The following CDKL2 variants were observed in gnomAD, a reference collection of about 807,000 sequenced individuals.
CDKL2 encodes cyclin dependent kinase like 2, also known as cyclin-dependent kinase-like 2.
A neutral mutation model predicts 63.9 loss-of-function variants in CDKL2; 64 were observed. The observed-to-expected ratio is 1.00, with a 90% CI of 0.82 to 1.23. The LOEUF (loss-of-function observed/expected upper bound fraction) is 1.23. CDKL2 is among the 50% of genes most tolerant of loss of function. The pLI, the probability that CDKL2 is intolerant of heterozygous loss-of-function variation, is 0.00. For missense variants in CDKL2, 656 were observed against 668.0 expected (o/e 0.98, Z 0.20); for synonymous variants, 211 against 229.2 (o/e 0.92, Z 0.72).
intron 12 of CDKL2, among the ~76,000 whole-genome samples, chr4:75,590,893 G>A (rs1027713144): frequency 1.3e-5 from 2 of 152,164 alleles, no homozygotes; most frequent in Admixed American, 1.3e-4. Context: ...AGCAGTAAAA[G>A]GAAAGTACAA....
chr4:75,621,816 CA>C (rs528152510), intron 2 of CDKL2, among the ~76,000 whole-genome samples: 1 of 152,008 alleles, frequency 6.6e-6, no homozygotes, highest in Non-Finnish European at 1.5e-5. Flanking sequence ...GTGCTTTAAG[CA>C]TAAGGAAATT....
chr4:75,611,737 C>G (rs1578343050), intron 3 of CDKL2, among the ~76,000 whole-genome samples: 1 of 151,270 alleles, frequency 6.6e-6, no homozygotes, highest in South Asian at 2.1e-4. Context: ...TTACCGCAAC[C>G]TCTGCCTCCC....
At chr4:75,596,037 GAAGGAAGGAGT>G in intron 10 of CDKL2, 199 bp downstream of exon 10, 1 of 247,532 alleles carries the variant, frequency 4.0e-6, no homozygotes, top group South Asian at 1.6e-4. Context: ...AGGAAGAAAG[GAAGGAAGGAGT>G]TTTTAGACTC....
chr4:75,602,438 A>C (rs1426372749), intron 6 of CDKL2, among the ~76,000 whole-genome samples: 4 of 151,946 alleles, frequency 2.6e-5, no homozygotes, highest in Non-Finnish European at 5.9e-5. Flanking sequence ...TCGGCCGCCC[A>C]AACTGCTGGG....
chr4:75,606,499 C>A (rs1018057613), intron 4 of CDKL2, among the ~76,000 whole-genome samples: 4 of 152,154 alleles, frequency 2.6e-5, no homozygotes, highest in African/African-American at 9.7e-5. Context: ...AGGCATGAGC[C>A]GCTGCACCCA....
At chr4:75,621,957 A>T (rs1039593152) in intron 2 of CDKL2, among the ~76,000 whole-genome samples, 2 of 152,182 alleles carry the variant, frequency 1.3e-5, no homozygotes, top group Admixed American at 1.3e-4. Flanking sequence ...AGAATTTAAC[A>T]ATGTTACATA....
At chr4:75,628,264 T>G (rs960088759) in intron 1 of CDKL2, among the ~76,000 whole-genome samples, 1 of 151,598 alleles carries the variant, frequency 6.6e-6, no homozygotes, top group African/African-American at 2.4e-5. Context: ...TACAGGCGCC[T>G]GCCACCACGC....
At chr4:75,601,819 T>C (rs553510698) in intron 6 of CDKL2, among the ~76,000 whole-genome samples, 3 of 152,326 alleles carry the variant, frequency 2.0e-5, no homozygotes, top group African/African-American at 4.8e-5. Flanking sequence ...TGTATTATTC[T>C]AAGAACTTGT....
chr4:75,607,235 T>A lies in CDKL2; in HGVS notation c.490A>T (p.Thr164Ser). 1 of 1,614,072 alleles carries A rather than the reference T, an allele frequency of 6.2e-7. No individual in the cohort carries two copies. Among genetic ancestry groups the A allele is most frequent in the Non-Finnish European group, 8.5e-7 (1 of 1,179,956 alleles). Residue 164 changes from threonine (T) to serine (S), a missense_variant, in exon 4 of 14, where the codon ACC becomes TCC. Physicochemically the swap from Thr to Ser is moderately conservative, Grantham distance 58 (BLOSUM62 1). Coordinates refer to ENST00000307465, the MANE Select transcript of CDKL2 (RefSeq NM_001330724.2). ...PGEVYTDYVA[T>S]RWYRAPELLV... ...AGTTCTGGAGCTCTGTACCATCGGG[T>A]TGCCACATAATCAGTATAAACCTCC...
chr4:75,607,970 G>T lies in CDKL2; in HGVS notation c.364-609C>A, dbSNP rs570631017. Among the ~76,000 whole-genome samples, 5 of 151,732 alleles carry T rather than the reference G, an allele frequency of 3.3e-5. No individual in the cohort carries two copies. The South Asian group carries it at 1.0e-3, about 31-fold the overall frequency. On this transcript the variant is annotated intron_variant, in intron 3 of 13. Coordinates refer to ENST00000307465, the MANE Select transcript of CDKL2 (RefSeq NM_001330724.2). ...TGGGACTACTGGCGCCTGCCACCAC[G>T]CCCGGCTAATTTTTTGTATTTTTAG...
At position 75,626,004 on chromosome 4, in the gene CDKL2, G is replaced by A. The variant is rs764379594; in HGVS notation, c.-16C>T. The A allele has an allele frequency of 2.1e-5, 34 of 1,601,044 alleles. No individual in the cohort carries two copies. Among genetic ancestry groups the A allele is most frequent in the South Asian group, 2.1e-4 (18 of 87,504 alleles). ...ATTTTTCCATTTTAATTTAAAGTCC[G>A]TAGAAACTTTTTGCTGTGAAAACCA... On this transcript the variant is annotated 5_prime_UTR_variant, in exon 2 of 14. The change creates a new upstream start codon in the 5' untranslated region. Coordinates refer to ENST00000307465, the MANE Select transcript of CDKL2 (RefSeq NM_001330724.2).
In CDKL2 at chr4:75,626,166, A is replaced by G. The variant is rs1335184882; in HGVS notation, c.-29-149T>C. 8 of 598,040 alleles carry G rather than the reference A, an allele frequency of 1.3e-5. No individual in the cohort carries two copies. In the Admixed American group the frequency reaches 2.7e-4, roughly 20 times the overall value. 37.0% of individuals were successfully genotyped at this position (598,040 alleles called of 1,614,324 possible). A position where few individuals can be genotyped will look rare whatever the true frequency, so the allele number is the denominator to read the frequency against. ...TAATTCACAATTTCCTAGTGTTTCT[A>G]CATGTAAGCTATGTTTCAAAATGGT... is the stretch of plus-strand genomic sequence containing the variant. On this transcript the variant is annotated intron_variant, in intron 1 of 13. Transcript: ENST00000307465.
intron 6 of CDKL2, among the ~76,000 whole-genome samples, chr4:75,601,327 T>C (rs1729182144): frequency 6.6e-6 from 1 of 152,094 alleles, no homozygotes; most frequent in Non-Finnish European, 1.5e-5. Flanking sequence ...ACAAAGATTA[T>C]TTTATTTTAT....
chr4:75,588,584 C>G (rs1051027679), intron 12 of CDKL2, among the ~76,000 whole-genome samples: 1 of 152,074 alleles, frequency 6.6e-6, no homozygotes, highest in Non-Finnish European at 1.5e-5. Context: ...GTGTTGGATT[C>G]ACAATTAGAG....
intron 9 of CDKL2, 134 bp from the exon 10 acceptor site, chr4:75,596,474 G>T: frequency 1.6e-6 from 1 of 628,970 alleles, no homozygotes; most frequent in Non-Finnish European, 2.8e-6. Flanking sequence ...AATATACAAT[G>T]CACATAAATC....
chr4:75,583,293 G>T (rs1247959030), intron 12 of CDKL2, among the ~76,000 whole-genome samples: 3 of 152,196 alleles, frequency 2.0e-5, no homozygotes, highest in African/African-American at 7.2e-5. Flanking sequence ...TGTTAGCAAT[G>T]TTCCTACTTT....
At chr4:75,602,288 C>G (rs1272160549) in intron 6 of CDKL2, among the ~76,000 whole-genome samples, 1 of 152,150 alleles carries the variant, frequency 6.6e-6, no homozygotes, top group Non-Finnish European at 1.5e-5. Context: ...TCAAGCAATT[C>G]TCTGCCTCAC....
chr4:75,591,850 TCAATAGCA>T lies in CDKL2; in HGVS notation c.1608_1615del (p.Ala537ProfsTer19). On this transcript the variant is annotated frameshift_variant, in exon 12 of 14. Coordinates refer to ENST00000307465, the MANE Select transcript of CDKL2 (RefSeq NM_001330724.2). LOFTEE classifies it high-confidence loss of function. Reference sequence around the variant, plus strand: ...TAATGTAATACTGGGGGTGTGCAGGTCAATAGCAGCCAGAGAAGGAATTCGAGATTCTG... The same window carrying T: ...TAATGTAATACTGGGGGTGTGCAGGTGCCAGAGAAGGAATTCGAGATTCTG... 1.3e-6 allele frequency: 2 copies of T among 1,535,856 alleles called. No individual in the cohort carries two copies. The highest frequency in any genetic ancestry group is 4.9e-5 in the East Asian group (2 of 40,902).
chr4:75,597,010 G>C lies in CDKL2; in HGVS notation c.1247C>G (p.Thr416Arg), dbSNP rs762790871. The change falls in exon 9 of 14, where the codon ACA becomes AGA. Residue 416 changes from threonine to arginine, a missense_variant. Thr to Arg is a moderately conservative substitution (Grantham distance 71, BLOSUM62 -1). Coordinates refer to ENST00000307465, the MANE Select transcript of CDKL2 (RefSeq NM_001330724.2). Reference sequence around the variant, plus strand: ...GGGAGCAACTGCAGAAAGATTGTGTGTAAGTGGGGGAATTGCCACGCTTGG... The same window carrying C: ...GGGAGCAACTGCAGAAAGATTGTGTCTAAGTGGGGGAATTGCCACGCTTGG... ...RNPSVAIPPL[T>R]HNLSAVAPSI... 2.5e-6 allele frequency: 4 copies of C among 1,614,196 alleles called. No homozygotes were observed. Among genetic ancestry groups the C allele is most frequent in the Non-Finnish European group, 3.4e-6 (4 of 1,180,010 alleles).
Sources: allele counts gnomAD v4.1 joint callset (sites outside exome capture counted in the v4.1 genomes callset), GRCh38; gene constraint gnomAD v4.1.1; transcripts MANE v1.5; gene names NCBI Gene and HGNC (gene_info 2026-07-23, HGNC 2026-07-21).